Variants in ATXN2 observed in about 807,000 individuals in gnomAD.
The protein encoded by ATXN2 is ataxin-2.
A neutral mutation model predicts 138.6 loss-of-function variants in ATXN2; 37 were observed. The ratio of observed to expected loss-of-function variants is 0.27; its 90% CI spans 0.21 to 0.35. The LOEUF is 0.35. Among genes scored for constraint, ATXN2 ranks in the 10% least tolerant of loss-of-function variants. The pLI is 1.00. For synonymous variants in ATXN2, 549 were observed against 543.7 expected (o/e 1.01, Z -0.13); for missense variants, 1,216 against 1,480.3 (o/e 0.82, Z 2.93).
intron 2 of ATXN2, among the ~76,000 whole-genome samples, chr12:111,555,365 T>C (rs184654538): frequency 6.6e-6 from 1 of 152,328 alleles, no homozygotes; most frequent in African/African-American, 2.4e-5. Context: ...AATCTTATCT[T>C]TAATTATAAT....
rs1448911314 is a variant in ATXN2 at position 111,455,350 on chromosome 12, C to G, written c.3270+679G>C. ...GACCTTTGTCAGCAGCTGATGCAGA[C>G]AGCAACCACTGAGATGGCAAGCACA... On this transcript the variant is annotated intron_variant, in intron 23 of 24. Transcript: ENST00000673436. 4 of 501,756 alleles carry G rather than the reference C, an allele frequency of 8.0e-6. No homozygotes were observed. In the East Asian group the frequency reaches 1.0e-4, roughly 13 times the overall value. 31.1% of individuals were successfully genotyped at this position (501,756 alleles called of 1,614,324 possible). A position where few individuals can be genotyped will look rare whatever the true frequency, so the allele number is the denominator to read the frequency against.
intron 8 of ATXN2, among the ~76,000 whole-genome samples, chr12:111,519,564 CT>C (rs2135740546): frequency 6.6e-6 from 1 of 152,284 alleles, no homozygotes; most frequent in Non-Finnish European, 1.5e-5. Flanking sequence ...TTGAACATGC[CT>C]TTAACCAAGC....
chr12:111,596,738 A>C (rs1884960145), intron 1 of ATXN2, among the ~76,000 whole-genome samples: 1 of 152,248 alleles, frequency 6.6e-6, no homozygotes, highest in African/African-American at 2.4e-5. Context: ...AAGTAAAAGA[A>C]CTTAAAGCAA....
intron 1 of ATXN2, among the ~76,000 whole-genome samples, chr12:111,573,314 C>T (rs538108605): frequency 6.6e-6 from 1 of 152,272 alleles, no homozygotes; most frequent in Admixed American, 6.5e-5. Context: ...TTGCCTCAGC[C>T]TACTGAGTAG....
chr12:111,535,334 A>C (rs931040616), intron 5 of ATXN2, among the ~76,000 whole-genome samples: 1 of 152,178 alleles, frequency 6.6e-6, no homozygotes, highest in African/African-American at 2.4e-5. Flanking sequence ...GAGTAAAAGA[A>C]GAAGGCACAG....
At position 111,453,416 on chromosome 12, in the gene ATXN2, G is replaced by A. The variant is rs1395371382; in HGVS notation, c.3439+261C>T. 1 of 1,228,894 alleles carries A rather than the reference G, an allele frequency of 8.1e-7. No homozygotes were observed. The allele number at this position is 1,228,894 out of a possible 1,614,324, so 76.1% of individuals were successfully genotyped here. On this transcript the variant is annotated intron_variant, in intron 24 of 24. Transcript: ENST00000673436. The surrounding 1 kb of genome is among the most constrained non-coding windows in gnomAD (Gnocchi z 5.4). The stretch of plus-strand genomic sequence containing the variant: ...GGAAGGCCAACTGAGTCCTAGGCAT[G>A]CATCAGGCTGCTGTTGCTGCTGCTG...
chr12:111,567,331 C>T (rs1000572261), intron 1 of ATXN2, among the ~76,000 whole-genome samples: 2 of 151,856 alleles, frequency 1.3e-5, no homozygotes, highest in Admixed American at 6.6e-5. Context: ...GAAACCCCGT[C>T]TCTACTAAAA....
chr12:111,535,828 G>A (rs969914065), intron 5 of ATXN2, among the ~76,000 whole-genome samples: 2 of 151,136 alleles, frequency 1.3e-5, no homozygotes, highest in Non-Finnish European at 2.9e-5. Context: ...GTGAAACCCC[G>A]TCTCTACTAA....
chr12:111,558,952 T>TTA (rs1555240753), intron 1 of ATXN2, among the ~76,000 whole-genome samples: 1 of 141,416 alleles, frequency 7.1e-6, no homozygotes, highest in Non-Finnish European at 1.5e-5. Context: ...CAATTTCCCT[T>TTA]AAAAAAAAAA....
intron 22 of ATXN2, among the ~76,000 whole-genome samples, chr12:111,456,780 C>A (rs769509714): frequency 6.6e-6 from 1 of 152,044 alleles, no homozygotes; most frequent in South Asian, 2.1e-4. Flanking sequence ...GACAGAGTCT[C>A]GCTGTTGTCC....
chr12:111,486,205 T>C (rs1205812180), intron 16 of ATXN2, among the ~76,000 whole-genome samples: 7 of 152,328 alleles, frequency 4.6e-5, no homozygotes, highest in East Asian at 1.9e-4. Context: ...CTGTGGGGGA[T>C]TGGTTACAGT....
intron 5 of ATXN2, among the ~76,000 whole-genome samples, chr12:111,533,790 G>A (rs1374239022): frequency 5.3e-5 from 8 of 152,144 alleles, no homozygotes; most frequent in Non-Finnish European, 1.2e-4. Flanking sequence ...GCCTCCCTAA[G>A]TGCTGGAATT....
intron 21 of ATXN2, among the ~76,000 whole-genome samples, chr12:111,460,453 G>A (rs1000313866): frequency 2.6e-5 from 4 of 152,062 alleles, no homozygotes; most frequent in Admixed American, 2.0e-4. Context: ...AACCCCTACC[G>A]CCACCCCAGC....
Position 111,516,136 on chromosome 12 carries a change from C to T in ATXN2, c.1375+18G>A. Reference sequence around the variant, plus strand: ...AAACAAAGACAAACAAAAACATGAACAAATTGTGGTATTGTACCTTCTGAA... The same window carrying T: ...AAACAAAGACAAACAAAAACATGAATAAATTGTGGTATTGTACCTTCTGAA... On this transcript the variant is annotated intron_variant, in intron 10 of 24. Transcript: ENST00000673436. The surrounding 1 kb of genome is among the most constrained non-coding windows in gnomAD (Gnocchi z 5.0). 1 of 1,583,194 alleles carries T rather than the reference C, an allele frequency of 6.3e-7. No individual in the cohort carries two copies. The highest frequency in any genetic ancestry group is 8.6e-7 in the Non-Finnish European group (1 of 1,166,002).
rs944479735 is a variant in ATXN2 at position 111,533,560 on chromosome 12, C to T, written c.572-8244G>A. Among the ~76,000 whole-genome samples, 4 of 151,054 alleles carry T rather than the reference C, an allele frequency of 2.6e-5. 1 individual carries two copies. Among genetic ancestry groups the T allele is most frequent in the East Asian group, 3.9e-4 (2 of 5,170 alleles). On this transcript the variant is annotated intron_variant, in intron 5 of 24. Coordinates refer to ENST00000673436, the MANE Select transcript of ATXN2 (RefSeq NM_001372574.1). ...GTTTTTTTTCTTTTCTTCTCACACT[C>T]TGTTGCGCAGGCTGGAGTGCAGTGA...
In ATXN2 at chr12:111,598,685, C is replaced by T. The variant is rs1466777717; in HGVS notation, c.251+99G>A. ...CGCGCTGCCGGCCCCCAGCCCACCC[C>T]GGGTAGCCCGGCGGGTCACGGGGCG... On this transcript the variant is annotated intron_variant, in intron 1 of 24. Transcript: ENST00000673436. The surrounding 1 kb of genome is among the most constrained non-coding windows in gnomAD (Gnocchi z 4.5). 6.1e-6 allele frequency: 5 copies of T among 820,730 alleles called. No homozygotes were observed. The highest frequency in any genetic ancestry group is 6.0e-5 in the Admixed American group (1 of 16,702). The allele number at this position is 820,730 out of a possible 1,614,324, so 50.8% of individuals were successfully genotyped here.
Position 111,525,299 on chromosome 12 carries a change from C to G in ATXN2, c.589G>C (p.Ala197Pro). The G allele has an allele frequency of 6.3e-7, 1 of 1,598,416 alleles. No individual in the cohort carries two copies. The highest frequency in any genetic ancestry group is 8.5e-7 in the Non-Finnish European group (1 of 1,175,004). Reference protein sequence around the residue: ...YAKRDAFTDSAISAKVNGEHK... With the variant: ...YAKRDAFTDSPISAKVNGEHK... ...TCGCCATTCACTTTAGCACTGATAG[C>G]AGAGTCAGTAAAAGCATCTGCAAAG... The change falls in exon 6 of 25, where the codon GCT (alanine) becomes CCT (proline). Residue 197 changes from alanine to proline, a missense_variant. Physicochemically the swap from Ala to Pro is conservative, Grantham distance 27. This residue lies in a region of ATXN2 where 401 missense variants were observed against 528.1 expected (regional missense o/e 0.76). Coordinates refer to ENST00000673436, the MANE Select transcript of ATXN2 (RefSeq NM_001372574.1).
chr12:111,555,933 A>T lies in ATXN2; in HGVS notation c.252-14T>A, dbSNP rs1882364661. On this transcript the variant is annotated splice_polypyrimidine_tract_variant and intron_variant, in intron 1 of 24. Coordinates refer to ENST00000673436, the MANE Select transcript of ATXN2 (RefSeq NM_001372574.1). ...CTGTTTCGACCTCTGAAAAGATTAA[A>T]TATTATTTTTATTAAATTCAACAGG... The T allele has an allele frequency of 6.3e-7, 1 of 1,577,990 alleles. No homozygotes were observed. Among genetic ancestry groups the T allele is most frequent in the Non-Finnish European group, 8.6e-7 (1 of 1,159,472 alleles).
intron 1 of ATXN2, among the ~76,000 whole-genome samples, chr12:111,593,387 G>C (rs181272129): frequency 6.6e-6 from 1 of 151,960 alleles, no homozygotes; most frequent in Non-Finnish European, 1.5e-5. Flanking sequence ...GAGCCACCGC[G>C]CCTGGCCTTG....
Sources: allele counts gnomAD v4.1 joint callset (sites outside exome capture counted in the v4.1 genomes callset), GRCh38; gene constraint gnomAD v4.1.1; regional missense constraint gnomAD v4.1.1; non-coding constraint Gnocchi (gnomAD v3.1); transcripts MANE v1.5; gene names NCBI Gene and HGNC (gene_info 2026-07-23, HGNC 2026-07-21).